The following HS6ST2 variants were observed in gnomAD, a reference collection of about 807,000 sequenced individuals.
The protein encoded by HS6ST2 is heparan-sulfate 6-O-sulfotransferase 2.
A neutral mutation model predicts 33.0 loss-of-function variants in HS6ST2; 17 were observed. The observed-to-expected ratio is 0.52, with a 90% CI of 0.35 to 0.77. The LOEUF is 0.77. Among genes scored for constraint, HS6ST2 ranks in the 30% least tolerant of loss-of-function variants. HS6ST2 has a pLI of 0.01. For synonymous variants in HS6ST2, 248 were observed against 237.1 expected, an observed-to-expected ratio of 1.05 and a Z score of -0.42; for missense variants, 519 against 551.7, an observed-to-expected ratio of 0.94 and a Z score of 0.59.
chrX:132,710,328 A>T (rs745988032), intron 2 of HS6ST2, among the ~76,000 whole-genome samples: 5 of 112,253 alleles, frequency 4.5e-5, no homozygotes, highest in Non-Finnish European at 9.4e-5. Flanking sequence ...ATGCATACAC[A>T]CACACACTCT....
chrX:132,934,301 A>G lies in HS6ST2; in HGVS notation c.947+22507T>C, dbSNP rs199992052. On this transcript the variant is annotated intron_variant, in intron 2 of 4. Transcript: ENST00000370833. ...TAACTTAAATGCACAGAAACAAACA[A>G]ACAGAACCAGTAATGGTACATAAGG... Among the ~76,000 whole-genome samples, 11 of 111,948 alleles carry G rather than the reference A, an allele frequency of 9.8e-5. No homozygotes were observed. The East Asian group carries it at 2.8e-3, about 28-fold the overall frequency.
At chrX:132,818,185 G>A (rs1262476255) in intron 2 of HS6ST2, among the ~76,000 whole-genome samples, 3 of 110,989 alleles carry the variant, frequency 2.7e-5, no homozygotes, top group Non-Finnish European at 3.8e-5. Flanking sequence ...ATTAATAGTT[G>A]TACTGTGTGA....
chrX:132,848,491 T>C (rs1358965348), intron 2 of HS6ST2, among the ~76,000 whole-genome samples: 1 of 112,527 alleles, frequency 8.9e-6, no homozygotes. Context: ...GGGTGGTGCC[T>C]TCTACTTTCC....
chrX:132,856,729 T>C (rs746238223), intron 2 of HS6ST2, among the ~76,000 whole-genome samples: 1 of 111,856 alleles, frequency 8.9e-6, no homozygotes, highest in Non-Finnish European at 1.9e-5. Context: ...AAAAGCTATT[T>C]TGGGGAACTC....
intron 2 of HS6ST2, among the ~76,000 whole-genome samples, chrX:132,709,096 G>A (rs1461456444): frequency 1.8e-5 from 2 of 112,104 alleles, no homozygotes; most frequent in Admixed American, 1.9e-4. Context: ...AGTAAGCAAT[G>A]TCTCCCCATT....
intron 2 of HS6ST2, among the ~76,000 whole-genome samples, chrX:132,869,026 G>C (rs2066025973): frequency 1.8e-5 from 2 of 108,770 alleles, no homozygotes; most frequent in African/African-American, 6.7e-5. Flanking sequence ...AAAATAGATA[G>C]AAGGCTAGCC....
In HS6ST2 at chrX:132,628,792, G is replaced by A. The variant is rs1412194358; in HGVS notation, c.1369C>T (p.Leu457Phe). 1 of 1,210,234 alleles carries A rather than the reference G, an allele frequency of 8.3e-7. No individual in the cohort carries two copies. The highest frequency in any genetic ancestry group is 1.7e-5 in the African/African-American group (1 of 57,297). The change falls in exon 5 of 5, where the codon CTT becomes TTT. Residue 457 changes from leucine to phenylalanine, a missense_variant. By Grantham distance (22) the Leu-to-Phe change is conservative. Transcript: ENST00000370833. ...AGATTTGACTTGGCACTTTCCAGAA[G>A]GACCTTGTTTCTTTGCTTTTCAGGC... ...VMPEKQRNKVLLESAKSNLKH... is the reference protein window; with the variant it reads ...VMPEKQRNKVFLESAKSNLKH...
In HS6ST2 at chrX:132,695,609, C is replaced by T. The variant is rs1272204989; in HGVS notation, c.980+12853G>A. Reference sequence around the variant, plus strand: ...AAAAATCACACTATATTACATCTTGCAAAAACCAATGGAAGTGAAATAAAC... The same window carrying T: ...AAAAATCACACTATATTACATCTTGTAAAAACCAATGGAAGTGAAATAAAC... On this transcript the variant is annotated intron_variant, in intron 3 of 4. Transcript: ENST00000370833. 2.7e-5 allele frequency among the ~76,000 whole-genome samples: 3 copies of T among 111,741 alleles called. No individual in the cohort carries two copies. In the East Asian group the frequency reaches 8.5e-4, roughly 32 times the overall value.
In HS6ST2 at chrX:132,787,885, C is replaced by T. The variant is rs1444354193; in HGVS notation, c.948-79391G>A. Among the ~76,000 whole-genome samples, 6 of 106,086 alleles carry T rather than the reference C, an allele frequency of 5.7e-5. No individual in the cohort carries two copies. In the East Asian group the frequency reaches 1.2e-3, roughly 21 times the overall value. 92.1% of individuals were successfully genotyped at this position (106,086 alleles called of 115,157 possible). ...CAGCCTAGGTGACAGAGCGAGACTC[C>T]ATCTCAAAAAAAAAAAAGAGGTATT... On this transcript the variant is annotated intron_variant, in intron 2 of 4. Coordinates refer to ENST00000370833, the MANE Select transcript of HS6ST2 (RefSeq NM_001394073.1).
rs1286879025 is a variant in HS6ST2, at chrX:132,847,787, G to A, written c.947+109021C>T. 1.4e-4 allele frequency among the ~76,000 whole-genome samples: 16 copies of A among 111,703 alleles called. No individual in the cohort carries two copies. In the Admixed American group the frequency reaches 1.5e-3, roughly 11 times the overall value. ...TTAATTCAGGTTAATCAACCTTACTGCAGCTGAGATGGAAAGGAAGGGTGA... is the reference window on the plus strand; with the variant it reads ...TTAATTCAGGTTAATCAACCTTACTACAGCTGAGATGGAAAGGAAGGGTGA... On this transcript the variant is annotated intron_variant, in intron 2 of 4. Coordinates refer to ENST00000370833, the MANE Select transcript of HS6ST2 (RefSeq NM_001394073.1).
chrX:132,959,572 C>T (rs1309194602), upstream of HS6ST2, among the ~76,000 whole-genome samples: 1 of 112,280 alleles, frequency 8.9e-6, no homozygotes, highest in African/African-American at 3.2e-5. Context: ...TGGAGACAGG[C>T]TCTCCCAGTA....
chrX:132,862,506 C>T (rs1343864327), intron 2 of HS6ST2, among the ~76,000 whole-genome samples: 2 of 112,226 alleles, frequency 1.8e-5, no homozygotes, highest in African/African-American at 6.5e-5. Context: ...ACTGTAGCTT[C>T]TCTACATGTA....
At chrX:132,880,054 C>T (rs745471804) in intron 2 of HS6ST2, among the ~76,000 whole-genome samples, 8 of 111,671 alleles carry the variant, frequency 7.2e-5, no homozygotes, top group South Asian at 7.6e-4. Context: ...GAATGCCTAG[C>T]GGCTGGCATC....
chrX:132,667,005 ACT>A (rs762307859), intron 4 of HS6ST2, among the ~76,000 whole-genome samples: 29 of 110,908 alleles, frequency 2.6e-4, no homozygotes, highest in African/African-American at 8.5e-4. Context: ...GGCAATCACA[ACT>A]CTCTCTGAAC....
chrX:132,794,574 G>GATGATGATGATTATT (rs916088563), intron 2 of HS6ST2, among the ~76,000 whole-genome samples: 266 of 99,061 alleles, frequency 2.7e-3, no homozygotes, highest in African/African-American at 7.5e-3. Flanking sequence ...TGATGATGAT[G>GATGATGATGATTATT]ATTATTATTA....
intron 2 of HS6ST2, among the ~76,000 whole-genome samples, chrX:132,794,574 G>GATGATTATTATTATTATTATTATT (rs916088563): frequency 1.0e-5 from 1 of 99,097 alleles, no homozygotes; most frequent in Non-Finnish European, 2.0e-5. Flanking sequence ...TGATGATGAT[G>GATGATTATTATTATTATTATTATT]ATTATTATTA....
chrX:132,898,616 C>A (rs2066400044), intron 2 of HS6ST2, among the ~76,000 whole-genome samples: 1 of 110,179 alleles, frequency 9.1e-6, no homozygotes, highest in Admixed American at 9.7e-5. Context: ...TACAAGATTG[C>A]TAGCCCTCAG....
At chrX:132,876,496 C>G (rs150384298) in intron 2 of HS6ST2, among the ~76,000 whole-genome samples, 60 of 111,812 alleles carry the variant, frequency 5.4e-4, no homozygotes, top group African/African-American at 1.9e-3. Context: ...ATTGTCTTTC[C>G]TTGCAAGTTT....
At chrX:132,745,901 T>G (rs2064635223) in intron 2 of HS6ST2, among the ~76,000 whole-genome samples, 1 of 112,038 alleles carries the variant, frequency 8.9e-6, no homozygotes, top group East Asian at 2.8e-4. Context: ...TCAGTTTCTG[T>G]TTTTTTCTTA....
Sources: allele counts gnomAD v4.1 joint callset (sites outside exome capture counted in the v4.1 genomes callset), GRCh38; gene constraint gnomAD v4.1.1; transcripts MANE v1.5; gene names NCBI Gene and HGNC (gene_info 2026-07-23, HGNC 2026-07-21).